The following MIDEAS variants were observed in gnomAD, a reference collection of about 807,000 sequenced individuals.
The protein encoded by MIDEAS is mitotic deacetylase-associated SANT domain protein.
A neutral mutation model predicts 102.7 loss-of-function variants in MIDEAS; 26 were observed. The observed-to-expected ratio is 0.25, with a 90% CI of 0.19 to 0.35. The LOEUF (loss-of-function observed/expected upper bound fraction) is 0.35. Among genes scored for constraint, MIDEAS ranks in the 10% least tolerant of loss-of-function variants. The pLI, the probability that MIDEAS is intolerant of heterozygous loss-of-function variation, is 1.00. For synonymous variants in MIDEAS, 585 were observed against 591.0 expected, an observed-to-expected ratio of 0.99 and a Z score of 0.15; for missense variants, 1,231 against 1,435.6, an observed-to-expected ratio of 0.86 and a Z score of 2.30.
chr14:73,779,394 CAA>C (rs35902307), intron 1 of MIDEAS, among the ~76,000 whole-genome samples: 24 of 104,166 alleles, frequency 2.3e-4, no homozygotes, highest in Middle Eastern at 5.7e-3. Flanking sequence ...GATTCCATCT[CAA>C]AAAAAAAAAA....
chr14:73,727,426 C>T (rs1214794714), intron 5 of MIDEAS, 32 bp downstream of exon 5: 1 of 1,612,810 alleles, frequency 6.2e-7, no homozygotes, highest in Non-Finnish European at 8.5e-7. Context: ...TGGCCACCCA[C>T]ACCCCTCGGC....
chr14:73,783,502 C>T (rs534079068), intron 1 of MIDEAS, among the ~76,000 whole-genome samples: 10 of 152,242 alleles, frequency 6.6e-5, no homozygotes, highest in South Asian at 2.1e-4. Context: ...CCCTAACTGC[C>T]GGCCTAGAAG....
chr14:73,746,480 C>T (rs1007826768), intron 1 of MIDEAS, among the ~76,000 whole-genome samples: 2 of 152,178 alleles, frequency 1.3e-5, no homozygotes, highest in Non-Finnish European at 1.5e-5. Context: ...AGGCTTCCTC[C>T]GCAGGAGACT....
chr14:73,721,995 G>A (rs1006599653), intron 10 of MIDEAS, among the ~76,000 whole-genome samples: 1 of 152,164 alleles, frequency 6.6e-6, no homozygotes, highest in African/African-American at 2.4e-5. Context: ...ATGGACATAG[G>A]ATTAAGTAAC....
chr14:73,769,847 G>A (rs753399537), intron 1 of MIDEAS, among the ~76,000 whole-genome samples: 11 of 150,708 alleles, frequency 7.3e-5, no homozygotes, highest in East Asian at 3.9e-4. Flanking sequence ...TGATCTGCCC[G>A]CCTCGGCCTC....
At chr14:73,733,998 T>C (rs746795660) in intron 3 of MIDEAS, among the ~76,000 whole-genome samples, 2 of 151,958 alleles carry the variant, frequency 1.3e-5, no homozygotes, top group African/African-American at 2.4e-5. Flanking sequence ...TGTTTTGTTT[T>C]GTGTGAGATG....
intron 11 of MIDEAS, 51 bp from the exon 12 acceptor site, chr14:73,719,552 T>C (rs757428603): frequency 2.4e-5 from 37 of 1,564,664 alleles, no homozygotes; most frequent in Non-Finnish European, 3.2e-5. Flanking sequence ...AGCGCAGATC[T>C]GGAATTCTAA....
chr14:73,733,885 G>A (rs2053169549), intron 3 of MIDEAS, among the ~76,000 whole-genome samples: 1 of 152,020 alleles, frequency 6.6e-6, no homozygotes, highest in Admixed American at 6.6e-5. Flanking sequence ...AGTAGAGACG[G>A]GGTTTCACTA....
intron 1 of MIDEAS, among the ~76,000 whole-genome samples, chr14:73,758,544 A>AACAGGG (rs1485027514): frequency 6.6e-6 from 1 of 152,148 alleles, no homozygotes; most frequent in Non-Finnish European, 1.5e-5. Flanking sequence ...GCCAACAGGG[A>AACAGGG]TCCCCTGCAT....
chr14:73,727,186 C>G (rs116292181), intron 5 of MIDEAS: 1 of 648,296 alleles, frequency 1.5e-6, no homozygotes, highest in Non-Finnish European at 2.6e-6. Flanking sequence ...GAAGCAGCTG[C>G]AGGTTTACAG....
chr14:73,762,481 A>T (rs1215633118), upstream of MIDEAS, among the ~76,000 whole-genome samples: 1 of 152,154 alleles, frequency 6.6e-6, no homozygotes, highest in East Asian at 1.9e-4. Context: ...GAGAGAAGAA[A>T]AGGGGCACAC....
chr14:73,752,393 A>G (rs886381947), intron 1 of MIDEAS, among the ~76,000 whole-genome samples: 9 of 152,064 alleles, frequency 5.9e-5, no homozygotes, highest in African/African-American at 2.2e-4. Context: ...GGGGTGTAGC[A>G]TGTGTGTCAA....
chr14:73,756,310 G>A lies in MIDEAS; in HGVS notation c.-248+3453C>T, dbSNP rs113221358. 4.8e-3 allele frequency among the ~76,000 whole-genome samples: 732 copies of A among 151,282 alleles called. 8 individuals carry two copies. Among genetic ancestry groups the A allele is most frequent in the African/African-American group, 0.016 (675 of 40,962 alleles). On this transcript the variant is annotated intron_variant, in intron 1 of 12. Transcript: ENST00000423556. ...TGTGTGTGTGTGCGCGCGCGCGTGC[G>A]CGCTGAGGTGGAGGGAGGGTGATCT...
Position 73,740,202 on chromosome 14 carries a change from C to T in MIDEAS, c.-194G>A. On this transcript the variant is annotated 5_prime_UTR_variant, in exon 2 of 13. Coordinates refer to ENST00000423556, the MANE Select transcript of MIDEAS (RefSeq NM_001367710.1). Reference sequence around the variant, plus strand: ...GCTCTTCCTTTCTCTTCCAGAGAGGCTCTGGGGCTCAGCTACTCTTCCCAG... The same window carrying T: ...GCTCTTCCTTTCTCTTCCAGAGAGGTTCTGGGGCTCAGCTACTCTTCCCAG... The T allele has an allele frequency of 3.4e-6, 2 of 592,712 alleles. No individual in the cohort carries two copies. The highest frequency in any genetic ancestry group is 5.0e-6 in the Non-Finnish European group (2 of 397,334). 36.7% of individuals were successfully genotyped at this position (592,712 alleles called of 1,614,324 possible).
At chr14:73,774,097 GTC>G (rs1286357296) in intron 1 of MIDEAS, among the ~76,000 whole-genome samples, 1 of 151,670 alleles carries the variant, frequency 6.6e-6, no homozygotes, top group African/African-American at 2.4e-5. Context: ...TCCTCCACAG[GTC>G]TCTCTGAGTG....
upstream of MIDEAS, among the ~76,000 whole-genome samples, chr14:73,761,002 C>T (rs1365310209): frequency 6.6e-6 from 1 of 152,168 alleles, no homozygotes; most frequent in Non-Finnish European, 1.5e-5. Flanking sequence ...CTGGCCCCCA[C>T]ATTCAATGGG....
chr14:73,757,294 A>AAAAAAAAAAAAAACG (rs2053496918), intron 1 of MIDEAS, among the ~76,000 whole-genome samples: 1 of 150,336 alleles, frequency 6.7e-6, no homozygotes, highest in South Asian at 2.1e-4. Context: ...AAAAAAAAAA[A>AAAAAAAAAAAAAACG]CACTAAACAC....
rs1659708858 is a variant in MIDEAS at position 73,742,606 on chromosome 14, C to T, written c.-247-2351G>A. Among the ~76,000 whole-genome samples, 1 of 152,230 alleles carries T rather than the reference C, an allele frequency of 6.6e-6. No individual in the cohort carries two copies. Among genetic ancestry groups the T allele is most frequent in the Non-Finnish European group, 1.5e-5 (1 of 68,042 alleles). ...TCAAGGAGGGCCATCATTCAGGATA[C>T]CACAGCAGCCTCTGAAGCTCAGACA... On this transcript the variant is annotated intron_variant, in intron 1 of 12. Transcript: ENST00000423556. The surrounding 1 kb of genome is among the most constrained non-coding windows in gnomAD (Gnocchi z 4.4).
upstream of MIDEAS, chr14:73,788,841 CAT>C (rs1240824062): frequency 1.3e-5 from 2 of 152,226 alleles, no homozygotes; most frequent in Non-Finnish European, 2.9e-5. Flanking sequence ...TAAAGGCAAT[CAT>C]GTGATACTCC....
Sources: gnomAD v4.1 joint callset for allele counts (sites outside exome capture counted in the v4.1 genomes callset) on GRCh38, gnomAD v4.1.1 for gene constraint, Gnocchi (gnomAD v3.1) non-coding constraint, MANE v1.5 for transcripts, NCBI Gene and HGNC (gene_info 2026-07-23, HGNC 2026-07-21) for gene names.